Variants in ANXA2 observed in about 807,000 individuals in gnomAD.
ANXA2 encodes annexin II.
A neutral mutation model predicts 47.3 loss-of-function variants in ANXA2; 28 were observed. That is an observed-to-expected ratio of 0.59 (90% confidence interval 0.44 to 0.81). ANXA2 has a LOEUF of 0.81. ANXA2 is among the 40% of genes least tolerant of loss of function. ANXA2 has a pLI of 0.00. For synonymous variants in ANXA2, 172 were observed against 155.5 expected, an observed-to-expected ratio of 1.11 and a Z score of -0.79; for missense variants, 384 against 414.3, an observed-to-expected ratio of 0.93 and a Z score of 0.64.
chr15:60,374,187 G>A (rs1165119931), intron 3 of ANXA2, among the ~76,000 whole-genome samples: 3 of 151,912 alleles, frequency 2.0e-5, no homozygotes, highest in Non-Finnish European at 4.4e-5. Context: ...AGGTATCATC[G>A]ACTTGGTAAT....
chr15:60,378,902 G>A (rs750795614), intron 3 of ANXA2, among the ~76,000 whole-genome samples: 1 of 152,086 alleles, frequency 6.6e-6, no homozygotes, highest in Non-Finnish European at 1.5e-5. Context: ...GGAAGCAGAG[G>A]TTGCAGTGAG....
chr15:60,374,042 G>T (rs1165913575), intron 3 of ANXA2, among the ~76,000 whole-genome samples: 1 of 152,162 alleles, frequency 6.6e-6, no homozygotes, highest in Non-Finnish European at 1.5e-5. Flanking sequence ...GGCACAGCTG[G>T]GGCACACAGT....
intron 1 of ANXA2, among the ~76,000 whole-genome samples, chr15:60,394,870 GA>G (rs1415464203): frequency 2.0e-5 from 3 of 152,088 alleles, no homozygotes; most frequent in African/African-American, 7.2e-5. Context: ...AACAGCAGAA[GA>G]AAAAAGATAC....
chr15:60,377,974 G>A (rs2062804773), intron 3 of ANXA2, among the ~76,000 whole-genome samples: 1 of 152,074 alleles, frequency 6.6e-6, no homozygotes, highest in Non-Finnish European at 1.5e-5. Flanking sequence ...TGTGGTCCCA[G>A]CTACTCAAGA....
intron 1 of ANXA2, 67 bp from the exon 2 acceptor site, chr15:60,386,153 C>A: frequency 1.8e-6 from 2 of 1,081,804 alleles, no homozygotes; most frequent in Admixed American, 2.0e-5. Flanking sequence ...CACAGCGATT[C>A]ATTATGCTAA....
intron 3 of ANXA2, among the ~76,000 whole-genome samples, chr15:60,373,519 C>G (rs1416173615): frequency 1.3e-5 from 2 of 152,134 alleles, no homozygotes; most frequent in African/African-American, 4.8e-5. Context: ...TAAAAGTTGC[C>G]CCTCTGGGTC....
At chr15:60,397,100 C>A (rs924544449) in intron 1 of ANXA2, among the ~76,000 whole-genome samples, 1 of 152,136 alleles carries the variant, frequency 6.6e-6, no homozygotes, top group African/African-American at 2.4e-5. Flanking sequence ...TGATGGAACC[C>A]AAGCCCTCCA....
chr15:60,360,844 T>G, intron 5 of ANXA2, 97 bp downstream of exon 5: 1 of 789,656 alleles, frequency 1.3e-6, no homozygotes, highest in East Asian at 2.6e-5. Flanking sequence ...CAAATGAGAA[T>G]TCAACAAAAC....
intron 12 of ANXA2, 34 bp downstream of exon 12, chr15:60,349,041 G>C (rs762007112): frequency 6.2e-6 from 10 of 1,612,892 alleles, no homozygotes; most frequent in South Asian, 1.1e-5. Flanking sequence ...TGCTCTGGAC[G>C]GCAGGGCAGG....
chr15:60,361,443 G>A (rs186742544), intron 4 of ANXA2: 133 of 183,952 alleles, frequency 7.2e-4, no homozygotes, highest in African/African-American at 3.1e-3. Flanking sequence ...AGATGTTTGA[G>A]CAGACAGCCT....
At chr15:60,361,324 G>C (rs1224164104) in intron 4 of ANXA2, 1 of 405,596 alleles carries the variant, frequency 2.5e-6, no homozygotes, top group Non-Finnish European at 4.6e-6. Flanking sequence ...AGTCGTATGT[G>C]ATTCCTAAGA....
intron 3 of ANXA2, chr15:60,374,562 T>C (rs2140887131): frequency 4.4e-6 from 2 of 455,890 alleles, no homozygotes; most frequent in East Asian, 6.9e-5. Flanking sequence ...AAGAGCTAAC[T>C]GTTTTTTAAA....
chr15:60,369,692 G>A (rs1187990268), intron 3 of ANXA2, among the ~76,000 whole-genome samples: 4 of 152,204 alleles, frequency 2.6e-5, no homozygotes, highest in African/African-American at 7.2e-5. Context: ...TGGGACCGAG[G>A]AAGCAGCACT....
At position 60,386,104 on chromosome 15, in the gene ANXA2, C is replaced by CA; in HGVS notation, c.-11-19dup. 6.3e-7 allele frequency: 1 copy of CA among 1,590,418 alleles called. No individual in the cohort carries two copies. Among genetic ancestry groups the CA allele is most frequent in the Non-Finnish European group, 8.6e-7 (1 of 1,160,502 alleles). On this transcript the variant is annotated intron_variant, in intron 1 of 12. Transcript: ENST00000451270. ...GAAGGAAGCTGGAAAAAAAGTACAA[C>CA]AAAAAGTCTTTATGAAGAGGCTCTC...
intron 1 of ANXA2, chr15:60,393,145 C>T (rs988887191): frequency 5.5e-6 from 7 of 1,277,522 alleles, no homozygotes; most frequent in East Asian, 5.6e-5. Flanking sequence ...CCAGTGACCT[C>T]GATCAAACTG....
intron 1 of ANXA2, among the ~76,000 whole-genome samples, chr15:60,389,844 G>C (rs2062984154): frequency 6.6e-6 from 1 of 152,148 alleles, no homozygotes; most frequent in South Asian, 2.1e-4. Flanking sequence ...TTCAGTATCT[G>C]CTCCAACAGG....
chr15:60,368,847 TA>T (rs1239499993), intron 3 of ANXA2, among the ~76,000 whole-genome samples: 3 of 152,232 alleles, frequency 2.0e-5, no homozygotes, highest in Non-Finnish European at 4.4e-5. Flanking sequence ...TGTATAACTC[TA>T]AATACTTCAG....
intron 4 of ANXA2, chr15:60,362,676 T>C (rs2062533469): frequency 6.6e-6 from 1 of 152,212 alleles, no homozygotes; most frequent in Admixed American, 6.5e-5. Context: ...TGAAACTATC[T>C]CAAGTAGTTT....
chr15:60,351,362 G>A, intron 10 of ANXA2, 111 bp from the exon 11 acceptor site: 1 of 1,076,812 alleles, frequency 9.3e-7, no homozygotes, highest in South Asian at 1.3e-5. Flanking sequence ...CTAATGCAAT[G>A]GAAAAGGGCT....
Sources: gnomAD v4.1 joint callset for allele counts (sites outside exome capture counted in the v4.1 genomes callset) on GRCh38, gnomAD v4.1.1 for gene constraint, MANE v1.5 for transcripts, NCBI Gene and HGNC (gene_info 2026-07-23, HGNC 2026-07-21) for gene names.